The following GON4L variants were observed in gnomAD, a reference collection of about 807,000 sequenced individuals.
GON4L encodes the protein GON-4-like protein.
In GON4L, 87 loss-of-function variants were observed where a neutral mutation model predicts 211.8. The observed-to-expected ratio is 0.41, with a 90% CI of 0.35 to 0.49. The LOEUF (loss-of-function observed/expected upper bound fraction) is 0.49, where lower values mean the gene tolerates loss of function less well. Ranked by LOEUF, GON4L falls within the 20% of genes least tolerant of loss-of-function variation. The pLI, the probability that GON4L is intolerant of heterozygous loss-of-function variation, is 0.15. For missense variants in GON4L, 2,155 were observed against 2,659.5 expected (o/e 0.81, Z 4.17); for synonymous variants, 875 against 962.6 (o/e 0.91, Z 1.68).
At chr1:155,799,136 T>C (rs1289976557) in intron 11 of GON4L, among the ~76,000 whole-genome samples, 1 of 152,142 alleles carries the variant, frequency 6.6e-6, no homozygotes, top group Non-Finnish European at 1.5e-5. Flanking sequence ...AATAGGCACA[T>C]ACAAAAATAC....
intron 2 of GON4L, among the ~76,000 whole-genome samples, chr1:155,835,166 A>AC (rs959372902): frequency 2.0e-5 from 3 of 151,972 alleles, no homozygotes; most frequent in African/African-American, 7.2e-5. Flanking sequence ...CTGTGACCTT[A>AC]CCCCCAACCC....
intron 2 of GON4L, among the ~76,000 whole-genome samples, chr1:155,830,199 C>G (rs1233008384): frequency 1.3e-5 from 2 of 151,178 alleles, no homozygotes; most frequent in African/African-American, 4.9e-5. Flanking sequence ...ATCTGTCCCT[C>G]TAGGCCTCCC....
At chr1:155,850,114 C>A (rs766446009) in intron 2 of GON4L, among the ~76,000 whole-genome samples, 4 of 151,796 alleles carry the variant, frequency 2.6e-5, no homozygotes, top group Non-Finnish European at 5.9e-5. Flanking sequence ...TAAGCACTTG[C>A]CTCATTAAGT....
rs1369865114 is a variant in GON4L, at chr1:155,809,867, A to G, written c.1452+3767T>C. Reference sequence around the variant, plus strand: ...ATATATAATTATAAATTATATACTTATATATAATTATAAATTATATACATA... The same window carrying G: ...ATATATAATTATAAATTATATACTTGTATATAATTATAAATTATATACATA... On this transcript the variant is annotated intron_variant, in intron 10 of 31. Coordinates refer to ENST00000368331, the MANE Select transcript of GON4L (RefSeq NM_001282860.2). Among the ~76,000 whole-genome samples the G allele has an allele frequency of 5.6e-4, 6 of 10,632 alleles. 1 individual carries two copies. The highest frequency in any genetic ancestry group is 1.2e-3 in the African/African-American group (4 of 3,442). The allele number at this position is 10,632 out of a possible 152,430, so 7.0% of individuals were successfully genotyped here.
intron 2 of GON4L, among the ~76,000 whole-genome samples, chr1:155,836,236 G>GTGTTT (rs1670284254): frequency 7.1e-6 from 1 of 140,778 alleles, no homozygotes; most frequent in Admixed American, 8.0e-5. Flanking sequence ...CCCTCAATGT[G>GTGTTT]TGTTTTGTTT....
At position 155,802,004 on chromosome 1, in the gene GON4L, C is replaced by T. The variant is rs904954856; in HGVS notation, c.1645+2945G>A. On this transcript the variant is annotated intron_variant, in intron 11 of 31. Transcript: ENST00000368331. ...CTGGGATTACAGGCATGAGCCACCA[C>T]GCCTGGACTATCTTTTCTAAATGTT... Among the ~76,000 whole-genome samples, 92 of 152,166 alleles carry T rather than the reference C, an allele frequency of 6.0e-4. 1 individual carries two copies. The highest frequency in any genetic ancestry group is 1.8e-3 in the Admixed American group (27 of 15,274).
intron 6 of GON4L, among the ~76,000 whole-genome samples, chr1:155,817,923 G>GAAAAAAAAAAAAAAAAAA (rs749238086): frequency 2.7e-5 from 2 of 74,230 alleles, no homozygotes; most frequent in African/African-American, 5.1e-5. Context: ...GCAAGTCACT[G>GAAAAAAAAAAAAAAAAAA]AAAAAAAAAA....
chr1:155,839,683 G>A (rs980453000), intron 2 of GON4L, among the ~76,000 whole-genome samples: 2 of 150,864 alleles, frequency 1.3e-5, no homozygotes, highest in African/African-American at 4.9e-5. Flanking sequence ...TATTGGACAA[G>A]TCAGAAAGTT....
chr1:155,809,915 A>T (rs531443545), intron 10 of GON4L, among the ~76,000 whole-genome samples: 4 of 133,322 alleles, frequency 3.0e-5, no homozygotes, highest in South Asian at 2.1e-4. Flanking sequence ...AATTATATAC[A>T]TATATAATTA....
rs559300194 is a variant in GON4L at position 155,835,844 on chromosome 1, G to A, written c.506-8816C>T. Among the ~76,000 whole-genome samples, 3 of 152,284 alleles carry A rather than the reference G, an allele frequency of 2.0e-5. No homozygotes were observed. In the East Asian group the frequency reaches 5.8e-4, roughly 29 times the overall value. ...CAGTGCGAAGCCAAGAATGCTCCTG[G>A]GCTGAGCCCCAATTTGGGGTTCACC... On this transcript the variant is annotated intron_variant, in intron 2 of 31. Transcript: ENST00000368331.
At chr1:155,800,186 C>T (rs924765992) in intron 11 of GON4L, among the ~76,000 whole-genome samples, 2 of 149,928 alleles carry the variant, frequency 1.3e-5, no homozygotes, top group African/African-American at 4.9e-5. Flanking sequence ...GCAACAAGAG[C>T]AAAACTCCAT....
chr1:155,795,077 G>A lies in GON4L; in HGVS notation c.1720C>T (p.Arg574Trp), dbSNP rs1244054084. 3.7e-6 allele frequency: 6 copies of A among 1,603,992 alleles called. No individual in the cohort carries two copies. Among genetic ancestry groups the A allele is most frequent in the Non-Finnish European group, 4.3e-6 (5 of 1,170,854 alleles). The change falls in exon 12 of 32, where the codon CGG (arginine) becomes TGG (tryptophan). Residue 574 changes from arginine to tryptophan, a missense_variant. By Grantham distance (101) the Arg-to-Trp change is moderately radical. Around this residue, in one of 6 missense-constraint regions of GON4L, gnomAD observed 551 missense variants for 854.0 expected, o/e 0.65. Transcript: ENST00000368331. ...GTGATTCTCACTGCCCGGTCAGTCC[G>A]GAAATCCTCTGTGTCTGGTTCATCG... ...DLDEPDTEDFRTDRAVRITKK... is the reference protein window; with the variant it reads ...DLDEPDTEDFWTDRAVRITKK...
intron 10 of GON4L, among the ~76,000 whole-genome samples, chr1:155,808,179 G>T (rs538473119): frequency 1.3e-5 from 2 of 152,022 alleles, no homozygotes; most frequent in East Asian, 3.9e-4. Flanking sequence ...TGGGATTACA[G>T]GTGTGCGCCA....
At chr1:155,745,501 G>A (rs888504356), downstream of GON4L, among the ~76,000 whole-genome samples, 9 of 152,228 alleles carry the variant, frequency 5.9e-5, no homozygotes, top group East Asian at 1.9e-4. Flanking sequence ...GACCTCAAGG[G>A]AAGTACGAGG....
At chr1:155,781,141 A>G (rs1463497384) in intron 14 of GON4L, among the ~76,000 whole-genome samples, 1 of 151,310 alleles carries the variant, frequency 6.6e-6, no homozygotes, top group Non-Finnish European at 1.5e-5. Context: ...TATTATTATT[A>G]TTACTATTAT....
chr1:155,753,742 C>A (rs1660854565), intron 28 of GON4L, among the ~76,000 whole-genome samples: 1 of 152,106 alleles, frequency 6.6e-6, no homozygotes, highest in Admixed American at 6.5e-5. Flanking sequence ...CTTGCCCAGG[C>A]TGGAGTGCAG....
Position 155,786,772 on chromosome 1 carries a change from A to C in GON4L, c.1748-1398T>G, listed in dbSNP as rs1387840813. 7.9e-5 allele frequency among the ~76,000 whole-genome samples: 12 copies of C among 152,032 alleles called. 1 individual carries two copies. The highest frequency in any genetic ancestry group is 7.9e-4 in the Admixed American group (12 of 15,250). On this transcript the variant is annotated intron_variant, in intron 12 of 31. Coordinates refer to ENST00000368331, the MANE Select transcript of GON4L (RefSeq NM_001282860.2). ...CGGATAAATTTAAAGTTCTATGTTT[A>C]AGAATTTTTTTTTTTAATAGAGGCA...
intron 2 of GON4L, among the ~76,000 whole-genome samples, chr1:155,835,336 C>T (rs1344394324): frequency 6.6e-6 from 1 of 152,002 alleles, no homozygotes; most frequent in South Asian, 2.1e-4. Context: ...TGCGGAAGGC[C>T]GCAGGGTCCT....
intron 11 of GON4L, among the ~76,000 whole-genome samples, chr1:155,798,589 T>TTC (rs1666321862): frequency 6.9e-6 from 1 of 144,946 alleles, no homozygotes; most frequent in African/African-American, 2.5e-5. Flanking sequence ...TTTTTTTTTT[T>TTC]TTTTTTTTTT....
Sources: allele counts gnomAD v4.1 joint callset (sites outside exome capture counted in the v4.1 genomes callset), GRCh38; gene constraint gnomAD v4.1.1; regional missense constraint gnomAD v4.1.1; transcripts MANE v1.5; gene names NCBI Gene and HGNC (gene_info 2026-07-23, HGNC 2026-07-21).